SHTN1: variants seen among roughly 807,000 people sequenced by gnomAD.
SHTN1 encodes shootin-1.
A neutral mutation model predicts 83.1 loss-of-function variants in SHTN1; 42 were observed. The ratio of observed to expected loss-of-function variants is 0.51; its 90% CI spans 0.39 to 0.65. SHTN1 has a LOEUF of 0.65. Among genes scored for constraint, SHTN1 ranks in the 30% least tolerant of loss-of-function variants. The pLI is 0.00. For synonymous variants in SHTN1, 224 were observed against 247.7 expected (o/e 0.90, Z 0.90); for missense variants, 622 against 737.8 (o/e 0.84, Z 1.82).
At chr10:116,999,568 C>T (rs1390888106) in intron 1 of SHTN1, among the ~76,000 whole-genome samples, 1 of 152,212 alleles carries the variant, frequency 6.6e-6, no homozygotes, top group Non-Finnish European at 1.5e-5. Context: ...TTGTACTTTT[C>T]ACTTTACACA....
intron 16 of SHTN1, among the ~76,000 whole-genome samples, chr10:116,889,091 A>G (rs1847253835): frequency 6.6e-6 from 1 of 152,200 alleles, no homozygotes; most frequent in Non-Finnish European, 1.5e-5. Flanking sequence ...AACCCATACT[A>G]ACCTTCATCA....
At chr10:116,986,797 C>T (rs1441872687) in intron 1 of SHTN1, among the ~76,000 whole-genome samples, 1 of 145,832 alleles carries the variant, frequency 6.9e-6, no homozygotes, top group African/African-American at 2.6e-5. Flanking sequence ...AGTGCGATCT[C>T]GGCTCACTGC....
intron 1 of SHTN1, among the ~76,000 whole-genome samples, chr10:117,086,076 A>T (rs188679878): frequency 1.3e-4 from 20 of 152,052 alleles, no homozygotes; most frequent in Admixed American, 1.2e-3. Context: ...GTGTGCCACC[A>T]CGCCCAGCTA....
At chr10:116,942,196 G>A (rs1849398162) in intron 8 of SHTN1, among the ~76,000 whole-genome samples, 1 of 148,886 alleles carries the variant, frequency 6.7e-6, no homozygotes, top group African/African-American at 2.4e-5. Context: ...TGTTTTGGGT[G>A]ACCATTATGA....
chr10:116,935,630 T>C (rs6585422), intron 9 of SHTN1, among the ~76,000 whole-genome samples: 44,963 of 151,988 alleles, frequency 0.3, 6,977 homozygotes, highest in East Asian at 0.52. Context: ...AATTTTCTTT[T>C]TTTGTTGTGT....
intron 2 of SHTN1, among the ~76,000 whole-genome samples, chr10:117,038,371 C>CT (rs1852531965): frequency 6.6e-6 from 1 of 151,310 alleles, no homozygotes; most frequent in Admixed American, 6.6e-5. Context: ...AATTCCTGGG[C>CT]TCAAGAGATC....
intron 1 of SHTN1, among the ~76,000 whole-genome samples, chr10:116,983,694 AC>A (rs869095284): frequency 1.4e-3 from 19 of 13,876 alleles, no homozygotes; most frequent in East Asian, 0.019. Flanking sequence ...ATAAATACAT[AC>A]ATACATACAT....
intron 1 of SHTN1, among the ~76,000 whole-genome samples, chr10:117,099,065 A>G (rs934187628): frequency 6.6e-6 from 1 of 151,516 alleles, no homozygotes; most frequent in Non-Finnish European, 1.5e-5. Context: ...GAACAAAATA[A>G]TGTCTTTTGC....
At chr10:116,981,550 G>A (rs1416693477) in intron 1 of SHTN1, among the ~76,000 whole-genome samples, 1 of 151,980 alleles carries the variant, frequency 6.6e-6, no homozygotes, top group Non-Finnish European at 1.5e-5. Context: ...CACCACCACT[G>A]GGTAGTCTAT....
At chr10:117,029,894 CTTT>C (rs34426369) in intron 2 of SHTN1, among the ~76,000 whole-genome samples, 12 of 113,372 alleles carry the variant, frequency 1.1e-4, no homozygotes, top group Admixed American at 1.9e-4. Context: ...CTCTCTCTTT[CTTT>C]TTTTTTTTTT....
At chr10:117,067,682 G>A (rs1196462373) in intron 1 of SHTN1, among the ~76,000 whole-genome samples, 8 of 152,152 alleles carry the variant, frequency 5.3e-5, no homozygotes, top group African/African-American at 1.7e-4. Flanking sequence ...ATCTGGAGGA[G>A]GAAGGACTAG....
intron 16 of SHTN1, among the ~76,000 whole-genome samples, chr10:116,898,944 T>C (rs1847621081): frequency 2.0e-5 from 3 of 152,184 alleles, no homozygotes; most frequent in African/African-American, 2.4e-5. Context: ...TCTATACATA[T>C]GTTGATTTTA....
chr10:117,056,341 T>A (rs1769963587), intron 1 of SHTN1, among the ~76,000 whole-genome samples: 1 of 152,184 alleles, frequency 6.6e-6, no homozygotes, highest in African/African-American at 2.4e-5. Flanking sequence ...AATGAAGCAA[T>A]GTATAAAAAG....
intron 1 of SHTN1, among the ~76,000 whole-genome samples, chr10:117,104,842 TG>T (rs1457067005): frequency 6.6e-6 from 1 of 151,882 alleles, no homozygotes; most frequent in Non-Finnish European, 1.5e-5. Flanking sequence ...CCAAATTATT[TG>T]TCATTAATAG....
At chr10:116,972,943 T>C (rs1313525019) in intron 2 of SHTN1, among the ~76,000 whole-genome samples, 3 of 152,182 alleles carry the variant, frequency 2.0e-5, no homozygotes, top group African/African-American at 7.2e-5. Context: ...TCCATATCTC[T>C]TCCTTGAGCC....
At chr10:117,010,315 A>C (rs1937374164), upstream of SHTN1, among the ~76,000 whole-genome samples, 1 of 152,122 alleles carries the variant, frequency 6.6e-6, no homozygotes, top group Non-Finnish European at 1.5e-5. Flanking sequence ...ATAACCTAGA[A>C]GAAATGGACA....
At chr10:117,060,216 C>T (rs1013379618) in intron 1 of SHTN1, among the ~76,000 whole-genome samples, 1 of 151,840 alleles carries the variant, frequency 6.6e-6, no homozygotes, top group Non-Finnish European at 1.5e-5. Flanking sequence ...GAGTAAGACC[C>T]TATCTCTAAA....
chr10:116,988,910 G>T (rs1372302034), intron 1 of SHTN1, among the ~76,000 whole-genome samples: 1 of 152,100 alleles, frequency 6.6e-6, no homozygotes, highest in Non-Finnish European at 1.5e-5. Flanking sequence ...ATAAAAGCGT[G>T]TTCCTTCTAC....
At chr10:116,973,464 A>C (rs141668870) in intron 2 of SHTN1, among the ~76,000 whole-genome samples, 220 of 152,282 alleles carry the variant, frequency 1.4e-3, no homozygotes, top group Admixed American at 4.5e-3. Context: ...TATCTACTAT[A>C]ATCATTGAAT....
Sources: allele counts gnomAD v4.1 joint callset (sites outside exome capture counted in the v4.1 genomes callset), GRCh38; gene constraint gnomAD v4.1.1; transcripts MANE v1.5; gene names NCBI Gene and HGNC (gene_info 2026-07-23, HGNC 2026-07-21).